SGCZ: variants seen among roughly 807,000 people sequenced by gnomAD.
SGCZ encodes the protein zeta-sarcoglycan.
SGCZ carries 40 observed loss-of-function variants against 41.3 expected under a neutral mutation model. That is an observed-to-expected ratio of 0.97 (90% CI 0.75 to 1.26). The LOEUF (loss-of-function observed/expected upper bound fraction) is 1.26. Among genes scored for constraint, SGCZ ranks in the 50% most tolerant of loss-of-function variants. SGCZ has a pLI of 0.00. For missense variants in SGCZ, 552 were observed against 369.8 expected (o/e 1.49, Z -4.04); for synonymous variants, 206 against 137.5 (o/e 1.50, Z -3.49).
At chr8:14,316,110 C>G (rs575715465) in intron 3 of SGCZ, among the ~76,000 whole-genome samples, 1 of 151,684 alleles carries the variant, frequency 6.6e-6, no homozygotes, top group Non-Finnish European at 1.5e-5. Flanking sequence ...TTAAATCATA[C>G]CTTTAAGAAC....
At chr8:14,980,012 CTT>C (rs1801609221) in intron 1 of SGCZ, among the ~76,000 whole-genome samples, 2 of 152,098 alleles carry the variant, frequency 1.3e-5, no homozygotes, top group Non-Finnish European at 2.9e-5. Context: ...TCATGACAAA[CTT>C]AGGAAATAGG....
intron 3 of SGCZ, among the ~76,000 whole-genome samples, chr8:14,276,181 G>T (rs1293438523): frequency 6.6e-6 from 1 of 152,152 alleles, no homozygotes; most frequent in Non-Finnish European, 1.5e-5. Flanking sequence ...GAAAGTAGTA[G>T]AAATTATTTT....
chr8:14,972,225 A>G (rs1001472220), intron 1 of SGCZ, among the ~76,000 whole-genome samples: 1 of 152,138 alleles, frequency 6.6e-6, no homozygotes, highest in Non-Finnish European at 1.5e-5. Context: ...TACCCATAAT[A>G]TTCCCTTATT....
intron 1 of SGCZ, among the ~76,000 whole-genome samples, chr8:14,865,473 T>A (rs189850174): frequency 6.6e-6 from 1 of 152,026 alleles, no homozygotes; most frequent in Non-Finnish European, 1.5e-5. Context: ...AATGAATCAA[T>A]CTCTGTATTA....
intron 1 of SGCZ, among the ~76,000 whole-genome samples, chr8:14,567,166 C>T (rs184515288): frequency 4.6e-5 from 7 of 152,340 alleles, no homozygotes; most frequent in Non-Finnish European, 1.0e-4. Context: ...CCCAGGGAGT[C>T]GCCCCCTGCT....
intron 1 of SGCZ, among the ~76,000 whole-genome samples, chr8:15,111,721 G>A (rs1807065059): frequency 6.6e-6 from 1 of 152,046 alleles, no homozygotes; most frequent in Admixed American, 6.6e-5. Flanking sequence ...CCAACATGGT[G>A]AAACCCTGTC....
At chr8:14,753,725 A>C (rs551003438) in intron 1 of SGCZ, among the ~76,000 whole-genome samples, 1 of 152,264 alleles carries the variant, frequency 6.6e-6, no homozygotes, top group African/African-American at 2.4e-5. Flanking sequence ...AAAGTGGCAA[A>C]GTATAAAGGA....
chr8:15,098,094 A>T (rs1025763946), intron 1 of SGCZ, among the ~76,000 whole-genome samples: 2 of 151,632 alleles, frequency 1.3e-5, no homozygotes, highest in African/African-American at 4.8e-5. Flanking sequence ...AATATGAAGT[A>T]CTGATTCTTT....
At chr8:14,910,789 A>G (rs1337210355) in intron 1 of SGCZ, among the ~76,000 whole-genome samples, 1 of 152,010 alleles carries the variant, frequency 6.6e-6, no homozygotes, top group Non-Finnish European at 1.5e-5. Flanking sequence ...CTCATAATAC[A>G]TTTAAGAAAT....
At chr8:14,935,753 C>T (rs935390334) in intron 1 of SGCZ, among the ~76,000 whole-genome samples, 13 of 151,776 alleles carry the variant, frequency 8.6e-5, no homozygotes, top group African/African-American at 2.4e-4. Context: ...ATTCCAATAA[C>T]TATAAATTAA....
intron 2 of SGCZ, among the ~76,000 whole-genome samples, chr8:14,435,999 C>A (rs1321840888): frequency 6.6e-6 from 1 of 152,130 alleles, no homozygotes; most frequent in Non-Finnish European, 1.5e-5. Context: ...TATGGGGAAA[C>A]ATAAAGGAAG....
intron 1 of SGCZ, among the ~76,000 whole-genome samples, chr8:14,662,475 AG>A (rs1385802751): frequency 6.6e-6 from 1 of 152,192 alleles, no homozygotes; most frequent in African/African-American, 2.4e-5. Flanking sequence ...TACTCAGTGC[AG>A]TCTCATCCAG....
intron 2 of SGCZ, among the ~76,000 whole-genome samples, chr8:14,366,537 C>A (rs1803714034): frequency 6.6e-6 from 1 of 152,102 alleles, no homozygotes; most frequent in Non-Finnish European, 1.5e-5. Flanking sequence ...CATTCCACCC[C>A]TGGCCCCTCC....
At chr8:14,572,744 A>G (rs970812649) in intron 1 of SGCZ, among the ~76,000 whole-genome samples, 1 of 152,142 alleles carries the variant, frequency 6.6e-6, no homozygotes, top group Admixed American at 6.5e-5. Flanking sequence ...ACTCTCTTTT[A>G]GTAATGAACA....
chr8:14,259,637 T>C (rs546942257), intron 3 of SGCZ, among the ~76,000 whole-genome samples: 10 of 135,012 alleles, frequency 7.4e-5, no homozygotes, highest in African/African-American at 2.5e-4. Context: ...GCGGCGTTAT[T>C]TCTGAGGGCT....
At chr8:14,503,637 C>A (rs988506405) in intron 2 of SGCZ, among the ~76,000 whole-genome samples, 2 of 151,678 alleles carry the variant, frequency 1.3e-5, no homozygotes, top group Non-Finnish European at 2.9e-5. Flanking sequence ...GCGTGGTGGC[C>A]TGTGCCTGTA....
intron 1 of SGCZ, among the ~76,000 whole-genome samples, chr8:14,620,043 T>C (rs1399114892): frequency 6.6e-6 from 1 of 152,134 alleles, no homozygotes; most frequent in Non-Finnish European, 1.5e-5. Context: ...CAAACTATAC[T>C]ACAAGGCTTC....
chr8:15,017,751 C>T (rs533568274), intron 1 of SGCZ, among the ~76,000 whole-genome samples: 6 of 152,276 alleles, frequency 3.9e-5, no homozygotes, highest in South Asian at 4.2e-4. Flanking sequence ...AGTGATCTGC[C>T]TCCCTCAGCC....
intron 1 of SGCZ, among the ~76,000 whole-genome samples, chr8:14,633,856 T>C (rs1207310817): frequency 6.6e-6 from 1 of 151,920 alleles, no homozygotes; most frequent in Non-Finnish European, 1.5e-5. Context: ...TTTAACCTCA[T>C]AAACATGCTG....
Sources: allele counts gnomAD v4.1 joint callset (sites outside exome capture counted in the v4.1 genomes callset), GRCh38; gene constraint gnomAD v4.1.1; transcripts MANE v1.5; gene names NCBI Gene and HGNC (gene_info 2026-07-23, HGNC 2026-07-21).